DAB1: variants seen among roughly 807,000 people sequenced by gnomAD.
DAB1 encodes disabled homolog 1.
A neutral mutation model predicts 64.6 loss-of-function variants in DAB1; 15 were observed. That is an observed-to-expected ratio of 0.23 (90% CI 0.16 to 0.36). The LOEUF is 0.36. Among genes scored for constraint, DAB1 ranks in the 10% least tolerant of loss-of-function variants. DAB1 has a pLI of 1.00. For missense variants in DAB1, 596 were observed against 706.7 expected, an observed-to-expected ratio of 0.84 and a Z score of 1.78; for synonymous variants, 235 against 251.9, an observed-to-expected ratio of 0.93 and a Z score of 0.64.
In DAB1 at chr1:57,764,041, C is replaced by T. The variant is rs888009493; in HGVS notation, n.552-114376G>A. Among the ~76,000 whole-genome samples the T allele has an allele frequency of 7.9e-5, 12 of 152,124 alleles. No homozygotes were observed. In the South Asian group the frequency reaches 1.0e-3, roughly 13 times the overall value. ...TGTGTTCTCTCAACATATATGATAA[C>T]GATATTCTCCTTTTCATTCAGAAGC... On this transcript the variant is annotated intron_variant and non_coding_transcript_variant, in intron 6 of 20. Transcript: ENST00000485760.
intron 3 of DAB1, among the ~76,000 whole-genome samples, chr1:58,458,086 G>C (rs978771982): frequency 6.6e-6 from 1 of 152,228 alleles, no homozygotes; most frequent in African/African-American, 2.4e-5. Context: ...GGAGCACAGA[G>C]TCTAGTGCTG....
chr1:57,631,185 T>C (rs1016764720), intron 7 of DAB1, among the ~76,000 whole-genome samples: 1 of 152,140 alleles, frequency 6.6e-6, no homozygotes, highest in South Asian at 2.1e-4. Flanking sequence ...ATTGGGATGG[T>C]CATGGAAGGA....
intron 6 of DAB1, among the ~76,000 whole-genome samples, chr1:57,720,942 T>C (rs1024872499): frequency 3.3e-5 from 5 of 152,082 alleles, no homozygotes; most frequent in Non-Finnish European, 7.4e-5. Flanking sequence ...GCTCAGAGGG[T>C]CCTGATTAGC....
At chr1:57,895,186 A>G (rs960184098) in intron 5 of DAB1, among the ~76,000 whole-genome samples, 2 of 152,190 alleles carry the variant, frequency 1.3e-5, no homozygotes, top group African/African-American at 4.8e-5. Context: ...ATGGGTAACA[A>G]TGGCCAACAC....
intron 4 of DAB1, among the ~76,000 whole-genome samples, chr1:57,074,670 G>A (rs992567184): frequency 6.6e-6 from 1 of 151,962 alleles, no homozygotes; most frequent in African/African-American, 2.4e-5. Context: ...TCTCTCTATG[G>A]CTTCACACTT....
At chr1:58,176,960 C>A (rs1399104426) in intron 4 of DAB1, among the ~76,000 whole-genome samples, 1 of 148,612 alleles carries the variant, frequency 6.7e-6, no homozygotes, top group African/African-American at 2.5e-5. Context: ...GCCTGGGTGA[C>A]GGAGAGAGAC....
intron 3 of DAB1, among the ~76,000 whole-genome samples, chr1:58,349,625 C>A (rs1288184264): frequency 1.3e-5 from 2 of 151,974 alleles, no homozygotes; most frequent in African/African-American, 4.8e-5. Context: ...CACCCCTCGA[C>A]AGGCCCTGGT....
At chr1:57,597,543 C>T (rs997900783) in intron 7 of DAB1, among the ~76,000 whole-genome samples, 1 of 152,228 alleles carries the variant, frequency 6.6e-6, no homozygotes, top group African/African-American at 2.4e-5. Flanking sequence ...GCCCACAAGG[C>T]TACGAAGTTA....
At chr1:57,834,753 A>G (rs1652737648) in intron 1 of DAB1, among the ~76,000 whole-genome samples, 1 of 152,032 alleles carries the variant, frequency 6.6e-6, no homozygotes, top group Admixed American at 6.6e-5. Context: ...TATACATAAA[A>G]TATGATAAAA....
At chr1:58,109,517 G>A (rs77002641) in intron 5 of DAB1, among the ~76,000 whole-genome samples, 4,274 of 152,162 alleles carry the variant, frequency 0.028, 178 homozygotes, top group African/African-American at 0.097. Context: ...GATCAACTCC[G>A]TAAGCCTGTC....
At chr1:57,154,362 G>T (rs1333177539) in intron 2 of DAB1, among the ~76,000 whole-genome samples, 2 of 152,170 alleles carry the variant, frequency 1.3e-5, no homozygotes, top group African/African-American at 2.4e-5. Flanking sequence ...GGTTGCAAAT[G>T]ACAAGAGTCT....
intron 1 of DAB1, among the ~76,000 whole-genome samples, chr1:57,831,672 A>C (rs1396807602): frequency 6.7e-6 from 1 of 149,654 alleles, no homozygotes; most frequent in Admixed American, 6.8e-5. Context: ...CTTCCTGTAT[A>C]TCTTGAACTA....
chr1:57,395,633 C>A (rs545581756), intron 1 of DAB1, among the ~76,000 whole-genome samples: 1 of 152,318 alleles, frequency 6.6e-6, no homozygotes, highest in African/African-American at 2.4e-5. Flanking sequence ...ACAGTAGCTC[C>A]TAGTCACGTG....
intron 3 of DAB1, among the ~76,000 whole-genome samples, chr1:58,436,231 G>T (rs1022556134): frequency 1.3e-5 from 2 of 152,216 alleles, no homozygotes; most frequent in East Asian, 3.8e-4. Flanking sequence ...GAAGTGGAGT[G>T]GCATGGAGTG....
At position 57,620,527 on chromosome 1, in the gene DAB1, G is replaced by C. The variant is rs138570780; in HGVS notation, n.625+29065C>G. On this transcript the variant is annotated intron_variant and non_coding_transcript_variant, in intron 7 of 20. Coordinates refer to the DAB1 transcript ENST00000485760. ...CAGAAATAGAGTGTTTCCCATGAGG[G>C]GATAAACCCGCAGATACAACTATCA... is the stretch of plus-strand genomic sequence containing the variant. Among the ~76,000 whole-genome samples the C allele has an allele frequency of 2.5e-3, 384 of 152,330 alleles. 2 individuals carry two copies. Among genetic ancestry groups the C allele is most frequent in the African/African-American group, 8.3e-3 (347 of 41,574 alleles).
At chr1:58,006,054 G>A (rs1478253618) in intron 5 of DAB1, among the ~76,000 whole-genome samples, 1 of 152,168 alleles carries the variant, frequency 6.6e-6, no homozygotes, top group Non-Finnish European at 1.5e-5. Flanking sequence ...ATTGATTGAT[G>A]TGTGACCCCA....
At chr1:58,343,126 C>T (rs1228186719) in intron 4 of DAB1, among the ~76,000 whole-genome samples, 1 of 152,136 alleles carries the variant, frequency 6.6e-6, no homozygotes, top group Non-Finnish European at 1.5e-5. Context: ...TTCCACAGGT[C>T]TGCAGGTCTA....
At chr1:58,219,983 C>A (rs946606390) in intron 4 of DAB1, among the ~76,000 whole-genome samples, 11 of 152,204 alleles carry the variant, frequency 7.2e-5, no homozygotes, top group African/African-American at 7.2e-5. Context: ...TCAGTTTCCT[C>A]ATCTCTAAAG....
chr1:58,269,306 C>T (rs1297961517), intron 4 of DAB1, among the ~76,000 whole-genome samples: 2 of 151,408 alleles, frequency 1.3e-5, no homozygotes, highest in Non-Finnish European at 2.9e-5. Context: ...AGAATGATGA[C>T]TTCCAATTTC....
Sources: gnomAD v4.1 joint callset for allele counts (sites outside exome capture counted in the v4.1 genomes callset) on GRCh38, gnomAD v4.1.1 for gene constraint, MANE v1.5 for transcripts, NCBI Gene and HGNC (gene_info 2026-07-23, HGNC 2026-07-21) for gene names.